The following OPRL1 variants were observed in gnomAD, a reference collection of about 807,000 sequenced individuals.
The protein encoded by OPRL1 is nociceptin receptor.
OPRL1 carries 5 observed loss-of-function variants against 15.5 expected under a neutral mutation model. The observed-to-expected ratio is 0.32, with a 90% CI of 0.17 to 0.68. The LOEUF (loss-of-function observed/expected upper bound fraction) is 0.68. Among genes scored for constraint, OPRL1 ranks in the 30% least tolerant of loss-of-function variants. The pLI is 0.72. For synonymous variants in OPRL1, 223 were observed against 230.2 expected (o/e 0.97, Z 0.28); for missense variants, 406 against 515.3 (o/e 0.79, Z 2.05).
chr20:64,092,586 G>A (rs1448497124), intron 2 of OPRL1, 102 bp from the exon 3 acceptor site: 27 of 811,352 alleles, frequency 3.3e-5, no homozygotes, highest in East Asian at 1.1e-4. Flanking sequence ...GCTGCCCAGC[G>A]TGGGGGTCCA....
chr20:64,096,923 C>T (rs202088385), intron 3 of OPRL1, among the ~76,000 whole-genome samples: 3 of 430 alleles, frequency 7.0e-3, no homozygotes, highest in East Asian at 0.042. Context: ...ATCACCATCA[C>T]CACTATCACC....
rs1979629875 is a variant in OPRL1, at chr20:64,099,875, TGCTGTGTTGCGGGGGAA to T, written c.*1084_*1100del. ...GCTTGAAGCCAGAGGTCAGTGGCCG[TGCTGTGTTGCGGGGGAA>T]GCTGTGTGGAAGGAGAAGCTGGTGG... On this transcript the variant is annotated 3_prime_UTR_variant, in exon 5 of 5. Transcript: ENST00000336866. 6.6e-6 allele frequency: 1 copy of T among 152,310 alleles called. No individual in the cohort carries two copies. The highest frequency in any genetic ancestry group is 2.4e-5 in the African/African-American group (1 of 41,442). 9.4% of individuals were successfully genotyped at this position (152,310 alleles called of 1,614,324 possible).
Position 64,092,680 on chromosome 20 carries a change from T to C in OPRL1, c.-33-8T>C, listed in dbSNP as rs1358600905. The C allele has an allele frequency of 1.3e-6, 2 of 1,579,830 alleles. No individual in the cohort carries two copies. The highest frequency in any genetic ancestry group is 1.7e-6 in the Non-Finnish European group (2 of 1,155,774). ...ACTGCAGCCACTTGTCTCTGCGCTC[T>C]GTCCCAGGTACCGTACAGAGTGGAT... is the stretch of plus-strand genomic sequence containing the variant. On this transcript the variant is annotated splice_region_variant and splice_polypyrimidine_tract_variant and intron_variant, in intron 2 of 4. Coordinates refer to ENST00000336866, the MANE Select transcript of OPRL1 (RefSeq NM_182647.4).
In OPRL1 at chr20:64,083,632, G is replaced by A. The variant is rs2059997131; in HGVS notation, c.-185+3280G>A. 1 of 1,474,542 alleles carries A rather than the reference G, an allele frequency of 6.8e-7. No homozygotes were observed. Among genetic ancestry groups the A allele is most frequent in the East Asian group, 2.7e-5 (1 of 37,088 alleles). 91.3% of individuals were successfully genotyped at this position (1,474,542 alleles called of 1,614,324 possible). A position where few individuals can be genotyped will look rare whatever the true frequency, so the allele number is the denominator to read the frequency against. On this transcript the variant is annotated intron_variant, in intron 1 of 4. Transcript: ENST00000336866. This position sits in a 1 kb window ranked among gnomAD's most constrained non-coding sequence, Gnocchi z 4.9. ...GATCCGCGCGGGCTTCAGCTGCGGCGGCAGGAACAGCTCCAGCCGGATGGC... is the reference window on the plus strand; with the variant it reads ...GATCCGCGCGGGCTTCAGCTGCGGCAGCAGGAACAGCTCCAGCCGGATGGC...
rs1010780056 is a variant in OPRL1 at position 64,080,108 on chromosome 20, C to G, written c.-429C>G. ...CCCGCCCCGCCCGCGCGTCGGCCCC[C>G]ACAGTCGCCTGGGGGTGGCCCGGAG... is the stretch of plus-strand genomic sequence containing the variant. On this transcript the variant is annotated 5_prime_UTR_variant, in exon 1 of 5. Transcript: ENST00000336866. The G allele has an allele frequency of 4.1e-4, 62 of 151,532 alleles. No individual in the cohort carries two copies. Among genetic ancestry groups the G allele is most frequent in the African/African-American group, 1.4e-3 (58 of 41,416 alleles). The allele number at this position is 151,532 out of a possible 1,614,324, so 9.4% of individuals were successfully genotyped here.
chr20:64,084,461 G>C (rs2060020264), intron 1 of OPRL1: 4 of 1,044,984 alleles, frequency 3.8e-6, no homozygotes, highest in Non-Finnish European at 4.9e-6. Context: ...AGTCAACTAG[G>C]ACTTTCTGAT....
At chr20:64,093,330 G>C (rs1313722324) in intron 3 of OPRL1, among the ~76,000 whole-genome samples, 1 of 149,742 alleles carries the variant, frequency 6.7e-6, no homozygotes, top group African/African-American at 2.5e-5. Flanking sequence ...GAAGGGAGGC[G>C]CAGGGGCTGG....
rs545660760 is a variant in OPRL1 at position 64,089,561 on chromosome 20, C to A, written c.-184-2405C>A. ...TCTTGATCTCTCCATACTTCCTCCC[C>A]ACTCCTTTCCCTTTCCTCCTCCTCC... On this transcript the variant is annotated intron_variant, in intron 1 of 4. Transcript: ENST00000336866. This position sits in a 1 kb window ranked among gnomAD's most constrained non-coding sequence, Gnocchi z 5.5. 1.3e-5 allele frequency among the ~76,000 whole-genome samples: 2 copies of A among 152,280 alleles called. No homozygotes were observed. The highest frequency in any genetic ancestry group is 3.9e-4 in the East Asian group (2 of 5,182).
At chr20:64,086,796 G>A (rs1297134807) in intron 1 of OPRL1, among the ~76,000 whole-genome samples, 1 of 152,166 alleles carries the variant, frequency 6.6e-6, no homozygotes, top group Non-Finnish European at 1.5e-5. Context: ...TGGCTTCCCT[G>A]GGGGATGGCT....
In OPRL1 at chr20:64,097,504, C is replaced by T. The variant is rs1979319449; in HGVS notation, c.234-298C>T. Among the ~76,000 whole-genome samples, 1 of 152,208 alleles carries T rather than the reference C, an allele frequency of 6.6e-6. No individual in the cohort carries two copies. The highest frequency in any genetic ancestry group is 6.5e-5 in the Admixed American group (1 of 15,282). ...ATCCGGGGTGTGTTCTGGTAGCCTA[C>T]ATGCCCTGACTCCTCTAAAGTAGAC... On this transcript the variant is annotated intron_variant, in intron 3 of 4. Transcript: ENST00000336866. This position sits in a 1 kb window ranked among gnomAD's most constrained non-coding sequence, Gnocchi z 4.2.
rs1382286697 is a variant in OPRL1 at position 64,089,752 on chromosome 20, G to A, written c.-184-2214G>A. On this transcript the variant is annotated intron_variant, in intron 1 of 4. Coordinates refer to ENST00000336866, the MANE Select transcript of OPRL1 (RefSeq NM_182647.4). This position sits in a 1 kb window ranked among gnomAD's most constrained non-coding sequence, Gnocchi z 5.5. ...CTCTGACACTGGTTCCTGGTCCGGG[G>A]ACATCAGGTTGGGCTCCTTTGTCCT... Among the ~76,000 whole-genome samples, 1 of 152,214 alleles carries A rather than the reference G, an allele frequency of 6.6e-6. No homozygotes were observed. Among genetic ancestry groups the A allele is most frequent in the Non-Finnish European group, 1.5e-5 (1 of 68,030 alleles).
At position 64,083,168 on chromosome 20, in the gene OPRL1, G is replaced by C. The variant is rs2059987332; in HGVS notation, c.-185+2816G>C. The stretch of plus-strand genomic sequence containing the variant: ...CCTCCCATAGACCCACAGAACGCCA[G>C]GTTGCCAGTGGGGGGCAGATCGGGA... On this transcript the variant is annotated intron_variant, in intron 1 of 4. Coordinates refer to ENST00000336866, the MANE Select transcript of OPRL1 (RefSeq NM_182647.4). The surrounding 1 kb of genome is among the most constrained non-coding windows in gnomAD (Gnocchi z 4.9). Among the ~76,000 whole-genome samples, 1 of 152,224 alleles carries C rather than the reference G, an allele frequency of 6.6e-6. No individual in the cohort carries two copies. The highest frequency in any genetic ancestry group is 2.1e-4 in the South Asian group (1 of 4,834).
At chr20:64,091,569 C>T (rs920984479) in intron 1 of OPRL1, among the ~76,000 whole-genome samples, 2 of 152,112 alleles carry the variant, frequency 1.3e-5, no homozygotes, top group Admixed American at 6.6e-5. Flanking sequence ...TTTGATCTGT[C>T]GAGAGCTGGC....
Position 64,083,240 on chromosome 20 carries a change from T to C in OPRL1, c.-185+2888T>C. The C allele has an allele frequency of 1.4e-6, 1 of 728,414 alleles. No individual in the cohort carries two copies. Among genetic ancestry groups the C allele is most frequent in the Non-Finnish European group, 2.2e-6 (1 of 450,656 alleles). 45.1% of individuals were successfully genotyped at this position (728,414 alleles called of 1,614,324 possible). On this transcript the variant is annotated intron_variant, in intron 1 of 4. Coordinates refer to ENST00000336866, the MANE Select transcript of OPRL1 (RefSeq NM_182647.4). The surrounding 1 kb of genome is among the most constrained non-coding windows in gnomAD (Gnocchi z 4.9). ...ACCTGTTACTTTCACACCCACCCAC[T>C]TGCGTCTCCCCACTTTTTTGGGAGA...
chr20:64,093,060 G>C (rs1224625506), intron 3 of OPRL1, 107 bp downstream of exon 3: 2 of 972,686 alleles, frequency 2.1e-6, no homozygotes, highest in East Asian at 2.6e-5. Context: ...TTGATTTCCT[G>C]CTTCCCCCAT....
chr20:64,082,650 C>T (rs2059979991), intron 1 of OPRL1, among the ~76,000 whole-genome samples: 1 of 152,174 alleles, frequency 6.6e-6, no homozygotes, highest in South Asian at 2.1e-4. Context: ...AGGGAAGCCC[C>T]AGCGTCTGCA....
chr20:64,083,635 A>G lies in OPRL1; in HGVS notation c.-185+3283A>G, dbSNP rs1205562206. 6.8e-7 allele frequency: 1 copy of G among 1,474,362 alleles called. No individual in the cohort carries two copies. The highest frequency in any genetic ancestry group is 1.3e-5 in the South Asian group (1 of 76,160). The allele number at this position is 1,474,362 out of a possible 1,614,324, so 91.3% of individuals were successfully genotyped here. ...CCGCGCGGGCTTCAGCTGCGGCGGC[A>G]GGAACAGCTCCAGCCGGATGGCGGC... On this transcript the variant is annotated intron_variant, in intron 1 of 4. Coordinates refer to ENST00000336866, the MANE Select transcript of OPRL1 (RefSeq NM_182647.4). This position sits in a 1 kb window ranked among gnomAD's most constrained non-coding sequence, Gnocchi z 4.9.
rs1365037137 is a variant in OPRL1, at chr20:64,098,939, G to C, written c.*140G>C. ...CAGAGCCTGGGATGGGCTTTTCCCT[G>C]TGGGCCAGGGATGCTCGGTCCCAGA... On this transcript the variant is annotated 3_prime_UTR_variant, in exon 5 of 5. Transcript: ENST00000336866. The C allele has an allele frequency of 1.7e-6, 2 of 1,205,664 alleles. No individual in the cohort carries two copies. Among genetic ancestry groups the C allele is most frequent in the African/African-American group, 3.1e-5 (2 of 65,150 alleles). The allele number at this position is 1,205,664 out of a possible 1,614,324, so 74.7% of individuals were successfully genotyped here.
Position 64,083,331 on chromosome 20 carries a change from T to C in OPRL1, c.-185+2979T>C. The C allele has an allele frequency of 6.5e-7, 1 of 1,532,022 alleles. No individual in the cohort carries two copies. 94.9% of individuals were successfully genotyped at this position (1,532,022 alleles called of 1,614,324 possible). A position where few individuals can be genotyped will look rare whatever the true frequency, so the allele number is the denominator to read the frequency against. On this transcript the variant is annotated intron_variant, in intron 1 of 4. Coordinates refer to ENST00000336866, the MANE Select transcript of OPRL1 (RefSeq NM_182647.4). This position sits in a 1 kb window ranked among gnomAD's most constrained non-coding sequence, Gnocchi z 4.9. ...GAGAGGCAGCGTCCATACTCCCCGC[T>C]TCCCTCGGGGTCCTGGGGAGTGGCA... is the stretch of plus-strand genomic sequence containing the variant.
Sources: gnomAD v4.1 joint callset for allele counts (sites outside exome capture counted in the v4.1 genomes callset) on GRCh38, gnomAD v4.1.1 for gene constraint, Gnocchi (gnomAD v3.1) non-coding constraint, MANE v1.5 for transcripts, NCBI Gene and HGNC (gene_info 2026-07-23, HGNC 2026-07-21) for gene names.